Variants in ZFAND3 observed in about 807,000 individuals in gnomAD.
The protein encoded by ZFAND3 is zinc finger AN1-type containing 3, also known as AN1-type zinc finger protein 3.
ZFAND3 carries 10 observed loss-of-function variants against 29.6 expected under a neutral mutation model. The observed-to-expected ratio is 0.34, with a 90% CI of 0.21 to 0.57. The LOEUF (loss-of-function observed/expected upper bound fraction) is 0.57, where lower values mean the gene tolerates loss of function less well. Ranked by LOEUF, ZFAND3 falls within the 20% of genes least tolerant of loss-of-function variation. ZFAND3 has a pLI of 0.86. For synonymous variants in ZFAND3, 128 were observed against 112.6 expected (o/e 1.14, Z -0.87); for missense variants, 230 against 304.5 (o/e 0.76, Z 1.82).
At chr6:38,129,468 A>AAT (rs1255043089) in intron 5 of ZFAND3, among the ~76,000 whole-genome samples, 1 of 152,210 alleles carries the variant, frequency 6.6e-6, no homozygotes, top group Non-Finnish European at 1.5e-5. Context: ...CTTAGATTTA[A>AAT]GTCTTTAACC....
At chr6:37,913,836 G>A (rs571920103) in intron 1 of ZFAND3, among the ~76,000 whole-genome samples, 3 of 150,104 alleles carry the variant, frequency 2.0e-5, no homozygotes, top group Admixed American at 6.7e-5. Flanking sequence ...TCAGCCTCCC[G>A]AATAGCTGGG....
intron 1 of ZFAND3, among the ~76,000 whole-genome samples, chr6:37,850,949 T>G (rs1034243536): frequency 9.9e-5 from 15 of 151,638 alleles, no homozygotes; most frequent in Non-Finnish European, 8.8e-5. Context: ...GTCACCAAAT[T>G]GATTTTCTTG....
At chr6:38,009,250 G>A (rs868464594) in intron 2 of ZFAND3, among the ~76,000 whole-genome samples, 4 of 152,174 alleles carry the variant, frequency 2.6e-5, no homozygotes, top group African/African-American at 2.4e-5. Flanking sequence ...GATCTCTGAT[G>A]CCAGGTACTG....
At chr6:38,022,246 G>C (rs758904983) in intron 2 of ZFAND3, among the ~76,000 whole-genome samples, 5 of 152,132 alleles carry the variant, frequency 3.3e-5, no homozygotes, top group Non-Finnish European at 7.3e-5. Context: ...ACCATGGCCT[G>C]CTTTTCTAAA....
intron 1 of ZFAND3, among the ~76,000 whole-genome samples, chr6:37,923,450 T>C (rs898632663): frequency 6.6e-6 from 1 of 152,186 alleles, no homozygotes; most frequent in African/African-American, 2.4e-5. Flanking sequence ...AACAATGCCT[T>C]CTTCTGGATA....
At chr6:37,965,235 C>T (rs578083390) in intron 2 of ZFAND3, among the ~76,000 whole-genome samples, 1 of 152,262 alleles carries the variant, frequency 6.6e-6, no homozygotes, top group African/African-American at 2.4e-5. Context: ...CTTAATTTCT[C>T]TACTTACTTT....
chr6:38,047,200 A>G (rs1561979528), intron 2 of ZFAND3, among the ~76,000 whole-genome samples: 1 of 151,922 alleles, frequency 6.6e-6, no homozygotes. Context: ...TTGTAATCCC[A>G]GCTACTCAGG....
At chr6:38,074,131 A>G (rs1012924943) in intron 3 of ZFAND3, among the ~76,000 whole-genome samples, 3 of 152,208 alleles carry the variant, frequency 2.0e-5, no homozygotes, top group Non-Finnish European at 4.4e-5. Flanking sequence ...AAAGATCCAT[A>G]GAAGTCCCCA....
At chr6:37,884,954 T>C (rs901446890) in intron 1 of ZFAND3, among the ~76,000 whole-genome samples, 4 of 152,208 alleles carry the variant, frequency 2.6e-5, no homozygotes, top group African/African-American at 4.8e-5. Context: ...CTGATGGAAA[T>C]GAGATGAGTA....
intron 1 of ZFAND3, among the ~76,000 whole-genome samples, chr6:37,910,746 T>C (rs999935628): frequency 6.6e-6 from 1 of 152,224 alleles, no homozygotes; most frequent in Admixed American, 6.5e-5. Flanking sequence ...TACTCTCTGC[T>C]TCTGTGAGTT....
At chr6:38,003,850 G>A (rs143506544) in intron 2 of ZFAND3, 421 of 443,512 alleles carry the variant, frequency 9.5e-4, no homozygotes, top group Non-Finnish European at 1.7e-3. Context: ...TTTTCCTTCT[G>A]CCTTCAGGGA....
chr6:38,079,500 A>C (rs1764616784), intron 3 of ZFAND3, among the ~76,000 whole-genome samples: 1 of 152,118 alleles, frequency 6.6e-6, no homozygotes, highest in African/African-American at 2.4e-5. Context: ...CAAGGTAAAG[A>C]TTCTCTTATT....
At chr6:38,139,855 G>A (rs1184607240) in intron 5 of ZFAND3, among the ~76,000 whole-genome samples, 1 of 152,126 alleles carries the variant, frequency 6.6e-6, no homozygotes, top group Non-Finnish European at 1.5e-5. Context: ...TTTGATATGG[G>A]GCGACCACCT....
chr6:37,853,412 G>GGA (rs71542141), intron 1 of ZFAND3, among the ~76,000 whole-genome samples: 9 of 65,880 alleles, frequency 1.4e-4, no homozygotes, highest in Non-Finnish European at 2.3e-4. Flanking sequence ...TGAGCCTCAA[G>GGA]AAAAAAAAAA....
At chr6:37,927,417 A>G (rs556165223) in intron 1 of ZFAND3, among the ~76,000 whole-genome samples, 2 of 152,318 alleles carry the variant, frequency 1.3e-5, no homozygotes, top group Non-Finnish European at 1.5e-5. Context: ...ATTCTCTGGC[A>G]GGGAATTCTG....
Position 38,082,390 on chromosome 6 carries a change from A to G in ZFAND3, c.296-2A>G. 1 of 1,611,138 alleles carries G rather than the reference A, an allele frequency of 6.2e-7. No individual in the cohort carries two copies. The highest frequency in any genetic ancestry group is 8.5e-7 in the Non-Finnish European group (1 of 1,178,490). On this transcript the variant is annotated splice_acceptor_variant, in intron 3 of 5. Transcript: ENST00000287218. LOFTEE classifies it high-confidence loss of function. ...CTGATGCACCTGCCTTTCTGTTTCT[A>G]GGTGGGCCATGCACAGACACAGCTC...
chr6:37,833,753 G>T (rs1337858945), intron 1 of ZFAND3, among the ~76,000 whole-genome samples: 1 of 151,232 alleles, frequency 6.6e-6, no homozygotes, highest in Non-Finnish European at 1.5e-5. Context: ...TTGAACCTGG[G>T]AGGTGGAGGC....
intron 4 of ZFAND3, among the ~76,000 whole-genome samples, chr6:38,096,207 G>C (rs983365128): frequency 6.6e-6 from 1 of 150,630 alleles, no homozygotes; most frequent in Non-Finnish European, 1.5e-5. Context: ...GAGTCTTGCT[G>C]TGTCACTCAG....
chr6:37,996,340 CATTT>C (rs762822224), intron 2 of ZFAND3, among the ~76,000 whole-genome samples: 5 of 152,128 alleles, frequency 3.3e-5, no homozygotes, highest in Non-Finnish European at 7.4e-5. Flanking sequence ...TAAAACTTAA[CATTT>C]ATCATACACT....
Sources: gnomAD v4.1 joint callset for allele counts (sites outside exome capture counted in the v4.1 genomes callset) on GRCh38, gnomAD v4.1.1 for gene constraint, MANE v1.5 for transcripts, NCBI Gene and HGNC (gene_info 2026-07-23, HGNC 2026-07-21) for gene names.